CASK: variants seen among roughly 807,000 people sequenced by gnomAD.
The protein encoded by CASK is peripheral plasma membrane protein CASK.
A neutral mutation model predicts 82.9 loss-of-function variants in CASK; 4 were observed. The ratio of observed to expected loss-of-function variants is 0.05; its 90% CI spans 0.02 to 0.11. The LOEUF (loss-of-function observed/expected upper bound fraction) is 0.11, where lower values mean the gene tolerates loss of function less well. CASK is among the 10% of genes least tolerant of loss of function. The pLI is 1.00. For missense variants in CASK, 358 were observed against 720.9 expected (o/e 0.50, Z 5.76); for synonymous variants, 259 against 253.5 (o/e 1.02, Z -0.20).
At chrX:41,784,106 T>C (rs2069535310) in intron 3 of CASK, among the ~76,000 whole-genome samples, 1 of 111,886 alleles carries the variant, frequency 8.9e-6, no homozygotes, top group African/African-American at 3.3e-5. Context: ...TTTGTCTGTT[T>C]GTAAACAAGT....
intron 2 of CASK, among the ~76,000 whole-genome samples, chrX:41,830,266 T>C (rs1243860481): frequency 3.6e-5 from 4 of 110,243 alleles, no homozygotes; most frequent in African/African-American, 1.3e-4. Context: ...TCCCAAAGTG[T>C]TGGAATTAAA....
chrX:41,610,138 G>A lies in CASK; in HGVS notation c.1034-113C>T, dbSNP rs1198896948. Reference sequence around the variant, plus strand: ...AATGAATTCATATCAGAACTTCAAAGGCTAGTGTCTTTACTGAAGGATAGA... The same window carrying A: ...AATGAATTCATATCAGAACTTCAAAAGCTAGTGTCTTTACTGAAGGATAGA... On this transcript the variant is annotated intron_variant, in intron 11 of 26. Coordinates refer to ENST00000378163, the MANE Select transcript of CASK (RefSeq NM_001367721.1). 6 of 753,977 alleles carry A rather than the reference G, an allele frequency of 8.0e-6. No homozygotes were observed. The Middle Eastern group carries it at 1.2e-3, about 148-fold the overall frequency. The allele number at this position is 753,977 out of a possible 1,213,427, so 62.1% of individuals were successfully genotyped here.
intron 5 of CASK, among the ~76,000 whole-genome samples, chrX:41,705,106 AAG>A (rs952741829): frequency 1.8e-5 from 2 of 112,528 alleles, no homozygotes; most frequent in African/African-American, 6.5e-5. Context: ...GTAACTCAGA[AAG>A]AGTTATTTTA....
At chrX:41,587,031 G>A in intron 13 of CASK, 44 bp from the exon 14 acceptor site, 1 of 745,774 alleles carries the variant, frequency 1.3e-6, no homozygotes, top group Non-Finnish European at 2.0e-6. Context: ...CATGACACAA[G>A]ATTTACAAAA....
At chrX:41,834,241 G>C (rs943948629) in intron 2 of CASK, among the ~76,000 whole-genome samples, 3 of 111,496 alleles carry the variant, frequency 2.7e-5, no homozygotes, top group Non-Finnish European at 5.6e-5. Flanking sequence ...TATTACAACA[G>C]ATCTTGTAAC....
intron 3 of CASK, chrX:41,748,176 A>AT (rs1197041182): frequency 8.8e-6 from 1 of 113,151 alleles, no homozygotes; most frequent in African/African-American, 3.3e-5. Flanking sequence ...AGCAATAAGA[A>AT]TTTAGGCTCT....
intron 12 of CASK, among the ~76,000 whole-genome samples, chrX:41,593,279 G>A (rs1422340345): frequency 9.0e-6 from 1 of 110,935 alleles, no homozygotes; most frequent in Non-Finnish European, 1.9e-5. Context: ...TGTGAATCTC[G>A]GCTGCTGGCT....
chrX:41,785,163 T>C (rs760879064), intron 3 of CASK, among the ~76,000 whole-genome samples: 1 of 109,143 alleles, frequency 9.2e-6, no homozygotes, highest in Non-Finnish European at 1.9e-5. Context: ...TGTGCCACCA[T>C]GCCCACCTAG....
At chrX:41,543,656 T>C (rs1235812562) in intron 21 of CASK, among the ~76,000 whole-genome samples, 5 of 112,104 alleles carry the variant, frequency 4.5e-5, no homozygotes, top group Non-Finnish European at 7.5e-5. Flanking sequence ...TTTCAGAATA[T>C]TGCCACAGAA....
chrX:41,566,532 T>C (rs1486157714), intron 16 of CASK, among the ~76,000 whole-genome samples: 3 of 111,687 alleles, frequency 2.7e-5, no homozygotes, highest in Non-Finnish European at 5.6e-5. Context: ...TTACAAGGGA[T>C]GTGAAGGACC....
At chrX:41,855,173 A>G (rs534627971) in intron 1 of CASK, among the ~76,000 whole-genome samples, 1 of 112,005 alleles carries the variant, frequency 8.9e-6, no homozygotes, top group African/African-American at 3.2e-5. Context: ...TAGTAACAAT[A>G]AAATTAATAG....
At chrX:41,711,572 A>C (rs761368696) in intron 5 of CASK, among the ~76,000 whole-genome samples, 1 of 110,719 alleles carries the variant, frequency 9.0e-6, no homozygotes, top group Non-Finnish European at 1.9e-5. Flanking sequence ...GCCTACCTAC[A>C]TGTCCCGGGT....
Position 41,578,323 on chromosome X carries a change from T to C in CASK, c.1503+17A>G. 1 of 1,173,275 alleles carries C rather than the reference T, an allele frequency of 8.5e-7. No homozygotes were observed. Among genetic ancestry groups the C allele is most frequent in the South Asian group, 1.8e-5 (1 of 55,836 alleles). On this transcript the variant is annotated intron_variant, in intron 15 of 26. Transcript: ENST00000378163. ...GGGATCTTATGAGAGTATTGAAAAC[T>C]TTCTCTTCCTACTTACCATTGGTTC... is the stretch of plus-strand genomic sequence containing the variant.
At position 41,630,211 on chromosome X, in the gene CASK, A is replaced by G. The variant is rs189683155; in HGVS notation, c.916-3508T>C. Among the ~76,000 whole-genome samples, 199 of 112,122 alleles carry G rather than the reference A, an allele frequency of 1.8e-3. 1 individual carries two copies. Among genetic ancestry groups the G allele is most frequent in the African/African-American group, 6.1e-3 (190 of 30,932 alleles). ...AAATGTCAATATGTCAAACATCAAA[A>G]TGGTATGCTTCTGGCTAGATGATTC... On this transcript the variant is annotated intron_variant, in intron 9 of 26. Coordinates refer to ENST00000378163, the MANE Select transcript of CASK (RefSeq NM_001367721.1).
chrX:41,822,376 G>A (rs1165643986), intron 2 of CASK, among the ~76,000 whole-genome samples: 2 of 108,786 alleles, frequency 1.8e-5, no homozygotes, highest in Non-Finnish European at 3.8e-5. Flanking sequence ...TGGGCAACAT[G>A]GTGAAACCCC....
intron 2 of CASK, among the ~76,000 whole-genome samples, chrX:41,813,275 T>C (rs981391367): frequency 1.2e-4 from 13 of 111,319 alleles, no homozygotes; most frequent in Non-Finnish European, 2.3e-4. Context: ...AAAGAGCCCG[T>C]ATTGCCAAGT....
Position 41,833,422 on chromosome X carries a change from G to A in CASK, c.172+19693C>T, listed in dbSNP as rs767976833. Among the ~76,000 whole-genome samples the A allele has an allele frequency of 3.0e-3, 333 of 111,583 alleles. 2 individuals carry two copies. The highest frequency in any genetic ancestry group is 5.5e-3 in the Non-Finnish European group (293 of 53,094). ...TTCTATGGTTCCATTTATACAAAAT[G>A]TCCAAAAAAGGCAAATCCATAGAAA... On this transcript the variant is annotated intron_variant, in intron 2 of 26. Transcript: ENST00000378163.
chrX:41,836,969 G>A (rs750782868), intron 2 of CASK, among the ~76,000 whole-genome samples: 95 of 111,856 alleles, frequency 8.5e-4, no homozygotes, highest in Middle Eastern at 4.6e-3. Flanking sequence ...TGAGGAAAAC[G>A]AGTGACAGTT....
At chrX:41,863,382 G>C (rs997611807) in intron 1 of CASK, among the ~76,000 whole-genome samples, 7 of 111,696 alleles carry the variant, frequency 6.3e-5, no homozygotes, top group Non-Finnish European at 1.9e-5. Context: ...CAGAGCCCCA[G>C]AAAACATGAA....
Sources: gnomAD v4.1 joint callset for allele counts (sites outside exome capture counted in the v4.1 genomes callset) on GRCh38, gnomAD v4.1.1 for gene constraint, MANE v1.5 for transcripts, NCBI Gene and HGNC (gene_info 2026-07-23, HGNC 2026-07-21) for gene names.